The following DNAH11 variants were observed in gnomAD, a reference collection of about 807,000 sequenced individuals.
DNAH11 encodes the protein dynein axonemal heavy chain 11.
Under a neutral mutation model 526.0 loss-of-function variants are expected in DNAH11, and 442 were observed. That is an observed-to-expected ratio of 0.84 (90% CI 0.78 to 0.91). DNAH11 has a LOEUF of 0.91. Ranked by LOEUF, DNAH11 falls within the 40% of genes least tolerant of loss-of-function variation. DNAH11 has a pLI of 0.00. For missense variants in DNAH11, 6,989 were observed against 5,448.7 expected, an observed-to-expected ratio of 1.28 and a Z score of -8.90; for synonymous variants, 2,461 against 1,935.9, an observed-to-expected ratio of 1.27 and a Z score of -7.12.
Position 21,901,614 on chromosome 7 carries a change from C to CAAAAGCAATG in DNAH11, c.*361_*370dup, listed in dbSNP as rs1283390045. 1 of 163,582 alleles carries CAAAAGCAATG rather than the reference C, an allele frequency of 6.1e-6. No individual in the cohort carries two copies. The highest frequency in any genetic ancestry group is 2.4e-5 in the African/African-American group (1 of 41,638). The allele number at this position is 163,582 out of a possible 1,614,324, so 10.1% of individuals were successfully genotyped here. ...TAAAAGTACATCATATGTGAACATG[C>CAAAAGCAATG]AAAAGCAATGCAGCCGGAAAGAACG... On this transcript the variant is annotated 3_prime_UTR_variant, in exon 82 of 82. Transcript: ENST00000409508.
intron 66 of DNAH11, among the ~76,000 whole-genome samples, chr7:21,847,120 A>T (rs182460358): frequency 1.3e-5 from 2 of 152,136 alleles, no homozygotes; most frequent in East Asian, 3.9e-4. Context: ...AATTCTGTTG[A>T]TCCTTTCAAA....
At chr7:21,565,874 C>A (rs1397556063) in intron 6 of DNAH11, among the ~76,000 whole-genome samples, 2 of 152,300 alleles carry the variant, frequency 1.3e-5, no homozygotes, top group East Asian at 1.9e-4. Context: ...CAGATAACAA[C>A]AGGTCGATTC....
chr7:21,780,076 G>T, intron 57 of DNAH11, among the ~76,000 whole-genome samples: 1 of 151,794 alleles, frequency 6.6e-6, no homozygotes, highest in East Asian at 1.9e-4. Flanking sequence ...ACAACTAAAG[G>T]CTTGAAAAGT....
At chr7:21,773,070 A>G (rs570526418) in intron 55 of DNAH11, among the ~76,000 whole-genome samples, 5 of 150,946 alleles carry the variant, frequency 3.3e-5, no homozygotes, top group East Asian at 3.9e-4. Flanking sequence ...ACAGAATGCA[A>G]TAAATAATCA....
chr7:21,650,257 T>A (rs76636303), intron 28 of DNAH11, among the ~76,000 whole-genome samples: 314 of 152,324 alleles, frequency 2.1e-3, no homozygotes, highest in African/African-American at 6.7e-3. Flanking sequence ...TTACAAAATA[T>A]TATACTGTGA....
intron 51 of DNAH11, 70 bp downstream of exon 51, chr7:21,745,133 C>A: frequency 6.8e-7 from 1 of 1,470,616 alleles, no homozygotes; most frequent in Non-Finnish European, 9.3e-7. Context: ...TGTCATTTTT[C>A]AATAGATCAT....
At chr7:21,727,131 C>A (rs1312949547) in intron 45 of DNAH11, among the ~76,000 whole-genome samples, 1 of 151,308 alleles carries the variant, frequency 6.6e-6, no homozygotes, top group Non-Finnish European at 1.5e-5. Flanking sequence ...GACGGGGTTT[C>A]ACCGTGTTAG....
In DNAH11 at chr7:21,630,110, G is replaced by T. The variant is rs531457236; in HGVS notation, c.4501-5761G>T. 2.9e-3 allele frequency among the ~76,000 whole-genome samples: 438 copies of T among 151,284 alleles called. 4 individuals are homozygous for T. Among genetic ancestry groups the T allele is most frequent in the Non-Finnish European group, 2.3e-3 (156 of 67,830 alleles). The stretch of plus-strand genomic sequence containing the variant: ...TTTTGCATTGTGGTTACCATGAGTC[G>T]TAGAAAAACTATACCAAGTTATTTT... On this transcript the variant is annotated intron_variant, in intron 25 of 81. Transcript: ENST00000409508.
intron 35 of DNAH11, among the ~76,000 whole-genome samples, chr7:21,696,063 A>G (rs926969102): frequency 1.3e-5 from 2 of 152,206 alleles, no homozygotes; most frequent in African/African-American, 4.8e-5. Context: ...ATGATAAGCT[A>G]GAGGATTATC....
chr7:21,645,076 C>T (rs1787292294), intron 28 of DNAH11, among the ~76,000 whole-genome samples: 1 of 152,168 alleles, frequency 6.6e-6, no homozygotes, highest in African/African-American at 2.4e-5. Flanking sequence ...TGTACAACAA[C>T]ATTAAGGTTA....
chr7:21,594,378 G>A (rs1442515031), intron 14 of DNAH11, among the ~76,000 whole-genome samples: 2 of 152,132 alleles, frequency 1.3e-5, no homozygotes, highest in Non-Finnish European at 2.9e-5. Flanking sequence ...CACCTTTCTA[G>A]GTTTTTGAAA....
chr7:21,734,602 A>T (rs1035204954), intron 45 of DNAH11, among the ~76,000 whole-genome samples: 3 of 152,170 alleles, frequency 2.0e-5, no homozygotes, highest in African/African-American at 7.2e-5. Context: ...CACACCTGTG[A>T]TCCTAGCCCT....
At chr7:21,609,890 G>T (rs1184276956) in intron 20 of DNAH11, among the ~76,000 whole-genome samples, 1 of 152,180 alleles carries the variant, frequency 6.6e-6, no homozygotes, top group African/African-American at 2.4e-5. Flanking sequence ...GGCTAGGGAA[G>T]GTCTGCAGCC....
In DNAH11 at chr7:21,751,566, C is replaced by G. The variant is rs561495334; in HGVS notation, c.8940+1202C>G. On this transcript the variant is annotated intron_variant, in intron 54 of 81. Transcript: ENST00000409508. ...GGAAACTAGGAAAGCTGCTACTTTA[C>G]TGTTGCTTCTCATATTGTTATGCCT... Among the ~76,000 whole-genome samples, 10 of 152,272 alleles carry G rather than the reference C, an allele frequency of 6.6e-5. No homozygotes were observed. The South Asian group carries it at 2.1e-3, about 32-fold the overall frequency.
intron 3 of DNAH11, 134 bp from the exon 4 acceptor site, chr7:21,559,469 C>A: frequency 2.7e-6 from 2 of 734,758 alleles, no homozygotes; most frequent in Non-Finnish European, 4.3e-6. Flanking sequence ...CAAATCAAGA[C>A]CATAAAAATA....
intron 75 of DNAH11, among the ~76,000 whole-genome samples, chr7:21,882,375 G>A (rs559262569): frequency 6.6e-6 from 1 of 152,186 alleles, no homozygotes; most frequent in East Asian, 1.9e-4. Flanking sequence ...ATCACAAGGC[G>A]ACTTATCAGG....
At chr7:21,707,026 C>G (rs945490403) in intron 39 of DNAH11, among the ~76,000 whole-genome samples, 3 of 152,210 alleles carry the variant, frequency 2.0e-5, no homozygotes, top group African/African-American at 7.2e-5. Context: ...CTGGATAACT[C>G]TGCTGTAGGA....
intron 76 of DNAH11, among the ~76,000 whole-genome samples, chr7:21,889,598 G>C (rs1024961117): frequency 1.3e-5 from 2 of 152,170 alleles, no homozygotes; most frequent in African/African-American, 4.8e-5. Context: ...TTCTGGTGGA[G>C]GTACAGTGGT....
At chr7:21,816,189 A>C (rs113120219) in intron 63 of DNAH11, among the ~76,000 whole-genome samples, 397 of 152,152 alleles carry the variant, frequency 2.6e-3, no homozygotes, top group African/African-American at 9.1e-3. Context: ...ACTCTTACCT[A>C]AGTGTGGGGC....
Sources: allele counts gnomAD v4.1 joint callset (sites outside exome capture counted in the v4.1 genomes callset), GRCh38; gene constraint gnomAD v4.1.1; transcripts MANE v1.5; gene names NCBI Gene and HGNC (gene_info 2026-07-23, HGNC 2026-07-21).